The following SLC35F1 variants were observed in gnomAD, a reference collection of about 807,000 sequenced individuals.
The protein encoded by SLC35F1 is solute carrier family 35 member F1, also known as chromosome 6 open reading frame 169.
A neutral mutation model predicts 48.7 loss-of-function variants in SLC35F1; 14 were observed. That is an observed-to-expected ratio of 0.29 (90% confidence interval 0.19 to 0.45). The LOEUF (loss-of-function observed/expected upper bound fraction) is 0.45. Among genes scored for constraint, SLC35F1 ranks in the 20% least tolerant of loss-of-function variants. The probability of loss-of-function intolerance (pLI) is 1.00; values close to 1 mark genes in which losing one functional copy is unlikely to be tolerated. For missense variants in SLC35F1, 404 were observed against 500.0 expected, an observed-to-expected ratio of 0.81 and a Z score of 1.83; for synonymous variants, 190 against 202.2, an observed-to-expected ratio of 0.94 and a Z score of 0.51.
intron 6 of SLC35F1, among the ~76,000 whole-genome samples, chr6:118,280,129 T>A (rs1775964154): frequency 6.6e-6 from 1 of 152,212 alleles, no homozygotes; most frequent in Non-Finnish European, 1.5e-5. Context: ...TTGTTTTTAT[T>A]CCATTGTTTT....
intron 1 of SLC35F1, among the ~76,000 whole-genome samples, chr6:118,072,360 C>T (rs537421809): frequency 1.1e-4 from 16 of 151,982 alleles, no homozygotes; most frequent in African/African-American, 1.9e-4. Context: ...GTCAGGAGAT[C>T]GAGACCATCC....
At chr6:117,925,011 A>G (rs1167893194) in intron 1 of SLC35F1, among the ~76,000 whole-genome samples, 1 of 152,206 alleles carries the variant, frequency 6.6e-6, no homozygotes, top group Non-Finnish European at 1.5e-5. Flanking sequence ...TAGAGTATTT[A>G]CATGTGACAT....
At chr6:118,006,073 G>A (rs958585094) in intron 1 of SLC35F1, among the ~76,000 whole-genome samples, 7 of 152,104 alleles carry the variant, frequency 4.6e-5, no homozygotes, top group African/African-American at 1.7e-4. Flanking sequence ...AAAAATCTAT[G>A]AGATAATATG....
chr6:118,165,674 TCCATTTGGCCTGCTGA>T (rs1194374902), intron 2 of SLC35F1, among the ~76,000 whole-genome samples: 1 of 152,124 alleles, frequency 6.6e-6, no homozygotes, highest in Non-Finnish European at 1.5e-5. Context: ...ACACCTAATT[TCCATTTGGCCTGCTGA>T]CCGAGGTACA....
At chr6:117,996,933 T>G (rs1201271578) in intron 1 of SLC35F1, among the ~76,000 whole-genome samples, 1 of 152,138 alleles carries the variant, frequency 6.6e-6, no homozygotes, top group African/African-American at 2.4e-5. Context: ...AGAATGACTT[T>G]GACGAGTTGA....
At chr6:118,279,971 A>T (rs1338341546) in intron 6 of SLC35F1, among the ~76,000 whole-genome samples, 6 of 152,100 alleles carry the variant, frequency 3.9e-5, no homozygotes, top group African/African-American at 1.4e-4. Context: ...GTTAATAAAT[A>T]TGTTTTCTAT....
At chr6:118,261,545 T>A (rs551347892) in intron 3 of SLC35F1, among the ~76,000 whole-genome samples, 2 of 152,214 alleles carry the variant, frequency 1.3e-5, no homozygotes, top group African/African-American at 2.4e-5. Flanking sequence ...AGGGCCCACG[T>A]GAACGCACAC....
intron 7 of SLC35F1, among the ~76,000 whole-genome samples, chr6:118,286,135 T>C (rs1776046243): frequency 6.6e-6 from 1 of 152,158 alleles, no homozygotes. Context: ...ACAGGGACTA[T>C]GACCCAGTGT....
intron 2 of SLC35F1, among the ~76,000 whole-genome samples, chr6:118,225,838 T>A (rs1288611405): frequency 6.9e-6 from 1 of 144,052 alleles, no homozygotes; most frequent in Non-Finnish European, 1.5e-5. Context: ...ATCAAGCCAC[T>A]GCACTCCAGC....
chr6:118,142,808 G>A (rs1486149036), intron 1 of SLC35F1, among the ~76,000 whole-genome samples: 1 of 152,086 alleles, frequency 6.6e-6, no homozygotes, highest in East Asian at 1.9e-4. Context: ...TCAGGTTCTT[G>A]TAACAGGGCA....
At chr6:118,000,467 C>G (rs1233082933) in intron 1 of SLC35F1, among the ~76,000 whole-genome samples, 2 of 152,092 alleles carry the variant, frequency 1.3e-5, no homozygotes, top group East Asian at 1.9e-4. Flanking sequence ...TAAGAGCTAT[C>G]TATGACAAAC....
intron 1 of SLC35F1, among the ~76,000 whole-genome samples, chr6:118,065,579 T>G (rs765929056): frequency 5.3e-5 from 8 of 152,158 alleles, no homozygotes; most frequent in Non-Finnish European, 1.2e-4. Context: ...ATCAATTTTT[T>G]TAAAAGCTGC....
chr6:118,234,096 T>G (rs897064659), intron 2 of SLC35F1, among the ~76,000 whole-genome samples: 3 of 152,138 alleles, frequency 2.0e-5, no homozygotes, highest in Non-Finnish European at 4.4e-5. Context: ...CTGAGAGTGG[T>G]CCAAATACAG....
At chr6:118,131,082 A>G (rs2114422021) in intron 1 of SLC35F1, among the ~76,000 whole-genome samples, 1 of 152,320 alleles carries the variant, frequency 6.6e-6, no homozygotes, top group African/African-American at 2.4e-5. Context: ...GTCAGCATAT[A>G]TAGCTAGTCC....
intron 1 of SLC35F1, among the ~76,000 whole-genome samples, chr6:118,118,788 C>G (rs1411961548): frequency 1.3e-5 from 2 of 152,088 alleles, no homozygotes; most frequent in African/African-American, 2.4e-5. Flanking sequence ...AGCTAAGGAG[C>G]CTCTTTCCCA....
At chr6:118,112,690 GACA>G (rs1010907055) in intron 1 of SLC35F1, among the ~76,000 whole-genome samples, 2 of 151,984 alleles carry the variant, frequency 1.3e-5, no homozygotes, top group African/African-American at 4.8e-5. Flanking sequence ...CAAACTCTAG[GACA>G]ACCACTAAAA....
chr6:117,946,995 T>G (rs1422603968), intron 1 of SLC35F1, among the ~76,000 whole-genome samples: 1 of 152,184 alleles, frequency 6.6e-6, no homozygotes, highest in African/African-American at 2.4e-5. Context: ...TTCATGGAGC[T>G]TACATCCATT....
At chr6:118,109,156 C>T (rs1016874849) in intron 1 of SLC35F1, among the ~76,000 whole-genome samples, 1 of 152,078 alleles carries the variant, frequency 6.6e-6, no homozygotes, top group African/African-American at 2.4e-5. Context: ...TAAGGCAAAG[C>T]GTTATCATAA....
chr6:118,146,047 T>C (rs888281631), intron 1 of SLC35F1, among the ~76,000 whole-genome samples: 2 of 152,154 alleles, frequency 1.3e-5, no homozygotes, highest in Non-Finnish European at 2.9e-5. Flanking sequence ...CGTAGAACAC[T>C]GATGCTTTGC....
Sources: allele counts gnomAD v4.1 joint callset (sites outside exome capture counted in the v4.1 genomes callset), GRCh38; gene constraint gnomAD v4.1.1; transcripts MANE v1.5; gene names NCBI Gene and HGNC (gene_info 2026-07-23, HGNC 2026-07-21).